Variants in DLC1 observed in about 807,000 individuals in gnomAD.
DLC1 encodes the protein DLC1 Rho GTPase activating protein.
A neutral mutation model predicts 140.3 loss-of-function variants in DLC1; 54 were observed. The observed-to-expected ratio is 0.38, with a 90% CI of 0.31 to 0.48. The LOEUF is 0.48. DLC1 is among the 20% of genes least tolerant of loss of function. The probability of loss-of-function intolerance (pLI) is 0.96; values close to 1 mark genes in which losing one functional copy is unlikely to be tolerated. For missense variants in DLC1, 2,536 were observed against 1,907.0 expected, an observed-to-expected ratio of 1.33 and a Z score of -6.14; for synonymous variants, 986 against 728.1, an observed-to-expected ratio of 1.35 and a Z score of -5.70.
intron 5 of DLC1, chr8:13,116,122 T>A (rs370571221): frequency 2.1e-6 from 2 of 974,350 alleles, no homozygotes; most frequent in Non-Finnish European, 2.4e-6. Context: ...CACCCAGGGG[T>A]TGGGTGTTTC....
chr8:13,439,274 A>G (rs779394875), intron 2 of DLC1, among the ~76,000 whole-genome samples: 20 of 152,166 alleles, frequency 1.3e-4, no homozygotes, highest in Admixed American at 4.6e-4. Flanking sequence ...CAGTGAGCAG[A>G]GATTGTGCCA....
At chr8:13,582,698 A>T (rs6530647) in intron 1 of DLC1, among the ~76,000 whole-genome samples, 93,531 of 150,286 alleles carry the variant, frequency 0.62, 29,662 homozygotes, top group Non-Finnish European at 0.69. Context: ...ATATATATAT[A>T]TTTTTTCCAT....
At position 13,100,721 on chromosome 8, in the gene DLC1, G is replaced by C. The variant is rs1056530607; in HGVS notation, c.1616C>G (p.Thr539Ser). The part of the protein sequence containing the change: ...DEPCAISGKW[T>S]FQRDSKRWSR... The stretch of plus-strand genomic sequence containing the variant: ...CCACCTCTTGCTGTCCCTTTGGAAA[G>C]TCCATTTGCCACTGATGGCACAAGG... The change falls in exon 9 of 18, where the codon ACT becomes AGT. Residue 539 changes from threonine to serine, a missense_variant. Transcript: ENST00000276297. The C allele has an allele frequency of 5.6e-6, 9 of 1,604,346 alleles. No individual in the cohort carries two copies. Among genetic ancestry groups the C allele is most frequent in the African/African-American group, 2.7e-5 (2 of 74,530 alleles).
chr8:13,150,804 C>A (rs1235002850), intron 5 of DLC1, among the ~76,000 whole-genome samples: 1 of 152,202 alleles, frequency 6.6e-6, no homozygotes, highest in East Asian at 1.9e-4. Context: ...AAGATGCTTT[C>A]TACAAACAGA....
At chr8:13,198,113 A>T (rs1197505041) in intron 5 of DLC1, among the ~76,000 whole-genome samples, 1 of 152,188 alleles carries the variant, frequency 6.6e-6, no homozygotes, top group African/African-American at 2.4e-5. Flanking sequence ...AGGAAAAAAA[A>T]AAATTAAGTC....
At chr8:13,378,156 TGCC>T (rs1168732612) in intron 4 of DLC1, among the ~76,000 whole-genome samples, 19 of 141,518 alleles carry the variant, frequency 1.3e-4, no homozygotes, top group African/African-American at 4.8e-4. Flanking sequence ...TGTATACATG[TGCC>T]ATGCATATGT....
intron 1 of DLC1, among the ~76,000 whole-genome samples, chr8:13,530,273 T>C (rs1438516477): frequency 6.6e-6 from 1 of 152,232 alleles, no homozygotes; most frequent in Non-Finnish European, 1.5e-5. Context: ...AAATTTCTGG[T>C]CTTGCGAATA....
intron 1 of DLC1, among the ~76,000 whole-genome samples, chr8:13,522,315 C>T (rs937023873): frequency 6.6e-5 from 10 of 151,892 alleles, no homozygotes; most frequent in East Asian, 3.9e-4. Flanking sequence ...ATGGGGGGTA[C>T]GGAATTGGTA....
chr8:13,581,888 G>T (rs186919480), intron 1 of DLC1, among the ~76,000 whole-genome samples: 53 of 152,164 alleles, frequency 3.5e-4, no homozygotes, highest in Middle Eastern at 3.4e-3. Context: ...TGTAGTTCAT[G>T]CAATCTGAAG....
chr8:13,405,990 CTCTT>C (rs1460930083), intron 2 of DLC1, among the ~76,000 whole-genome samples: 6 of 117,622 alleles, frequency 5.1e-5, no homozygotes, highest in African/African-American at 1.6e-4. Context: ...CTCTCTCTCT[CTCTT>C]TCTTTATTCT....
Position 13,084,322 on chromosome 8 carries a change from A to T in DLC1, c.*1489T>A, listed in dbSNP as rs137877025. On this transcript the variant is annotated 3_prime_UTR_variant, in exon 18 of 18. Transcript: ENST00000276297. The stretch of plus-strand genomic sequence containing the variant: ...CTGATGCCCTGCCCCAAAATTCTTC[A>T]AAGAACCTTTGAAATAACACTGAAA... The T allele has an allele frequency of 9.1e-4, 139 of 152,718 alleles. No individual in the cohort carries two copies. Among genetic ancestry groups the T allele is most frequent in the African/African-American group, 3.2e-3 (134 of 41,560 alleles). 9.5% of individuals were successfully genotyped at this position (152,718 alleles called of 1,614,324 possible).
intron 3 of DLC1, among the ~76,000 whole-genome samples, chr8:13,396,507 A>G (rs943992697): frequency 2.0e-5 from 3 of 152,176 alleles, no homozygotes; most frequent in African/African-American, 7.2e-5. Flanking sequence ...AGGCTTTACA[A>G]CCATTATCTG....
chr8:13,469,394 C>T lies in DLC1; in HGVS notation c.1023+29655G>A, dbSNP rs1329030815. ...ATAATGGTCTGTGGAGCTCTGACTC[C>T]CTGAGCTCTGAGTCATAGCTGTAAC... On this transcript the variant is annotated intron_variant, in intron 2 of 17. Coordinates refer to ENST00000276297, the MANE Select transcript of DLC1 (RefSeq NM_182643.3). 2.6e-5 allele frequency among the ~76,000 whole-genome samples: 4 copies of T among 152,088 alleles called. 1 individual carries two copies. The South Asian group carries it at 8.3e-4, about 31-fold the overall frequency.
intron 2 of DLC1, among the ~76,000 whole-genome samples, chr8:13,412,886 C>T (rs77742210): frequency 0.11 from 16,023 of 139,426 alleles, 1,128 homozygotes; most frequent in Admixed American, 0.2. Flanking sequence ...AAGCTGAGAT[C>T]GTGCCACTGC....
intron 1 of DLC1, among the ~76,000 whole-genome samples, chr8:13,548,526 GGAATATTT>G (rs1803731809): frequency 6.6e-6 from 1 of 151,908 alleles, no homozygotes; most frequent in African/African-American, 2.4e-5. Context: ...AAAGCTACAA[GGAATATTT>G]CTATGGTTTG....
At chr8:13,567,423 C>A (rs1019146964) in intron 1 of DLC1, 105 of 1,551,722 alleles carry the variant, frequency 6.8e-5, no homozygotes, top group Non-Finnish European at 8.2e-5. Flanking sequence ...AGAAGACGAG[C>A]AGCAGACATA....
At chr8:13,232,208 C>T (rs1319662373) in intron 5 of DLC1, among the ~76,000 whole-genome samples, 1 of 152,130 alleles carries the variant, frequency 6.6e-6, no homozygotes. Context: ...CAGCTGTCTA[C>T]CAGTGATGCT....
At chr8:13,587,116 G>C (rs1164005295) in intron 1 of DLC1, among the ~76,000 whole-genome samples, 1 of 128,326 alleles carries the variant, frequency 7.8e-6, no homozygotes, top group African/African-American at 3.1e-5. Context: ...ATTCATGCAT[G>C]CGCCTATCCA....
intron 5 of DLC1, among the ~76,000 whole-genome samples, chr8:13,124,414 A>G (rs1388512717): frequency 6.6e-6 from 1 of 152,212 alleles, no homozygotes; most frequent in Non-Finnish European, 1.5e-5. Context: ...TGCAGTCTGG[A>G]TTTACTACAA....
Sources: allele counts gnomAD v4.1 joint callset (sites outside exome capture counted in the v4.1 genomes callset), GRCh38; gene constraint gnomAD v4.1.1; transcripts MANE v1.5; gene names NCBI Gene and HGNC (gene_info 2026-07-23, HGNC 2026-07-21).